BCKDHB: variants seen among roughly 807,000 people sequenced by gnomAD.
BCKDHB encodes the protein 2-oxoisovalerate dehydrogenase subunit beta, mitochondrial.
A neutral mutation model predicts 48.5 loss-of-function variants in BCKDHB; 41 were observed. The observed-to-expected ratio is 0.85, with a 90% CI of 0.66 to 1.10. The LOEUF (loss-of-function observed/expected upper bound fraction) is 1.10. BCKDHB is among the 50% of genes least tolerant of loss of function. BCKDHB has a pLI of 0.00. For missense variants in BCKDHB, 496 were observed against 494.2 expected, an observed-to-expected ratio of 1.00 and a Z score of -0.03; for synonymous variants, 201 against 174.8, an observed-to-expected ratio of 1.15 and a Z score of -1.18.
chr6:80,320,165 TA>T (rs1768645803), intron 9 of BCKDHB, among the ~76,000 whole-genome samples: 1 of 152,234 alleles, frequency 6.6e-6, no homozygotes, highest in Non-Finnish European at 1.5e-5. Context: ...TTAGTTACAG[TA>T]TCATATTGTG....
chr6:80,439,612 A>G, the BCKDHB span, among the ~76,000 whole-genome samples: 1 of 152,198 alleles, frequency 6.6e-6, no homozygotes, highest in African/African-American at 2.4e-5. Flanking sequence ...TCATCTCATT[A>G]CTTTAATCCT....
At chr6:80,167,578 A>T in intron 3 of BCKDHB, 100 bp from the exon 4 acceptor site, 1 of 1,239,508 alleles carries the variant, frequency 8.1e-7, no homozygotes, top group South Asian at 1.2e-5. Flanking sequence ...CCTGTTCTAT[A>T]CTTCTCCATC....
chr6:80,143,748 C>T (rs754970892), intron 3 of BCKDHB, among the ~76,000 whole-genome samples: 2 of 152,152 alleles, frequency 1.3e-5, no homozygotes, highest in Non-Finnish European at 2.9e-5. Context: ...AAATGCTTGA[C>T]CTTCTCTTGT....
chr6:80,374,612 A>C, the BCKDHB span: 2 of 573,540 alleles, frequency 3.5e-6, no homozygotes, highest in Admixed American at 2.7e-5. Context: ...GAGCCATTCT[A>C]TATCTTTTAA....
chr6:80,440,172 C>G, the BCKDHB span, among the ~76,000 whole-genome samples: 1 of 152,140 alleles, frequency 6.6e-6, no homozygotes, highest in Non-Finnish European at 1.5e-5. Context: ...CAATTAAATA[C>G]CAATAAAGGT....
chr6:80,126,413 G>C (rs1421018423), intron 1 of BCKDHB, among the ~76,000 whole-genome samples: 1 of 152,126 alleles, frequency 6.6e-6, no homozygotes, highest in African/African-American at 2.4e-5. Context: ...AATGTCCCAT[G>C]GTCAGACAGT....
chr6:80,146,573 G>A (rs1035261477), intron 3 of BCKDHB, among the ~76,000 whole-genome samples: 1 of 152,118 alleles, frequency 6.6e-6, no homozygotes, highest in Non-Finnish European at 1.5e-5. Flanking sequence ...TGAAGAAAAT[G>A]TTGGAAGCTG....
At chr6:80,281,862 GA>G (rs71551700) in intron 9 of BCKDHB, among the ~76,000 whole-genome samples, 2 of 146,356 alleles carry the variant, frequency 1.4e-5, no homozygotes, top group Admixed American at 6.8e-5. Flanking sequence ...AATGAACTTA[GA>G]AAAAAAAAAG....
At chr6:80,113,511 C>G (rs1769523564) in intron 1 of BCKDHB, among the ~76,000 whole-genome samples, 1 of 152,204 alleles carries the variant, frequency 6.6e-6, no homozygotes, top group Admixed American at 6.5e-5. Flanking sequence ...TGTGCTTAGG[C>G]ATTGTGCGCT....
chr6:80,354,645 G>A, the BCKDHB span, among the ~76,000 whole-genome samples: 11 of 152,108 alleles, frequency 7.2e-5, no homozygotes, highest in Non-Finnish European at 1.5e-4. Context: ...ATAGTTTCAG[G>A]TTTTACTATT....
intron 9 of BCKDHB, among the ~76,000 whole-genome samples, chr6:80,293,976 G>T (rs928906454): frequency 1.3e-5 from 2 of 152,102 alleles, no homozygotes; most frequent in Admixed American, 1.3e-4. Context: ...ATCACTATCC[G>T]CATTTTGGTC....
chr6:80,376,927 G>T, the BCKDHB span, among the ~76,000 whole-genome samples: 30 of 152,010 alleles, frequency 2.0e-4, 1 homozygote, highest in East Asian at 9.7e-4. Context: ...GTAGTTCTTT[G>T]TATATTCTAG....
In BCKDHB at chr6:80,107,013, C is replaced by T. The variant is rs1769108990; in HGVS notation, c.196+124C>T. 4 of 1,225,710 alleles carry T rather than the reference C, an allele frequency of 3.3e-6. No homozygotes were observed. The South Asian group carries it at 5.2e-5, about 16-fold the overall frequency. The allele number at this position is 1,225,710 out of a possible 1,614,324, so 75.9% of individuals were successfully genotyped here. On this transcript the variant is annotated intron_variant, in intron 1 of 9. Transcript: ENST00000320393. The stretch of plus-strand genomic sequence containing the variant: ...ATCCCAGCTTATTAACTTCCTGACT[C>T]TCTGGAACCTCCTTGCCTCAGGGTC...
the BCKDHB span, among the ~76,000 whole-genome samples, chr6:80,446,720 A>ATTTTTTTTT: frequency 2.7e-5 from 3 of 111,362 alleles, no homozygotes; most frequent in Non-Finnish European, 3.6e-5. Flanking sequence ...CTTCTGGACA[A>ATTTTTTTTT]TTTTTTTTTT....
intron 1 of BCKDHB, among the ~76,000 whole-genome samples, chr6:80,116,904 C>T (rs1769735995): frequency 6.6e-6 from 1 of 152,092 alleles, no homozygotes; most frequent in East Asian, 1.9e-4. Context: ...TTAGCACATG[C>T]TATAAGTAGG....
chr6:80,363,044 A>G, the BCKDHB span, among the ~76,000 whole-genome samples: 2 of 152,210 alleles, frequency 1.3e-5, 1 homozygote, highest in Admixed American at 1.3e-4. Context: ...GATGTTCATC[A>G]TGGATTTGGA....
chr6:80,188,824 AAG>A (rs1471722847), intron 6 of BCKDHB, among the ~76,000 whole-genome samples: 5 of 152,302 alleles, frequency 3.3e-5, no homozygotes, highest in African/African-American at 1.2e-4. Flanking sequence ...GTTTTCTGAA[AAG>A]AGAGGAATTG....
intron 8 of BCKDHB, among the ~76,000 whole-genome samples, chr6:80,266,637 A>G (rs1184474801): frequency 6.6e-6 from 1 of 152,062 alleles, no homozygotes; most frequent in Non-Finnish European, 1.5e-5. Flanking sequence ...TTATTCTAAA[A>G]CAAGTCTGGA....
intron 6 of BCKDHB, among the ~76,000 whole-genome samples, chr6:80,193,946 A>G (rs1562124909): frequency 6.6e-6 from 1 of 152,184 alleles, no homozygotes; most frequent in Non-Finnish European, 1.5e-5. Context: ...GAGGTCATAA[A>G]TAGAATACCA....
Sources: gnomAD v4.1 joint callset for allele counts (sites outside exome capture counted in the v4.1 genomes callset) on GRCh38, gnomAD v4.1.1 for gene constraint, MANE v1.5 for transcripts, NCBI Gene and HGNC (gene_info 2026-07-23, HGNC 2026-07-21) for gene names.